RALGPS2: variants seen among roughly 807,000 people sequenced by gnomAD.
RALGPS2 encodes ras-specific guanine nucleotide-releasing factor RalGPS2.
A neutral mutation model predicts 86.8 loss-of-function variants in RALGPS2; 43 were observed. The observed-to-expected ratio is 0.50, with a 90% CI of 0.39 to 0.64. The LOEUF (loss-of-function observed/expected upper bound fraction) is 0.64, where lower values mean the gene tolerates loss of function less well. Among genes scored for constraint, RALGPS2 ranks in the 30% least tolerant of loss-of-function variants. The pLI is 0.00. For missense variants in RALGPS2, 536 were observed against 694.6 expected (o/e 0.77, Z 2.57); for synonymous variants, 243 against 231.3 (o/e 1.05, Z -0.46).
At chr1:178,729,909 T>C (rs972745309) in intron 1 of RALGPS2, among the ~76,000 whole-genome samples, 2 of 152,214 alleles carry the variant, frequency 1.3e-5, no homozygotes, top group Non-Finnish European at 2.9e-5. Flanking sequence ...TTAAAAATTA[T>C]ATACTTTTAC....
intron 13 of RALGPS2, among the ~76,000 whole-genome samples, chr1:178,886,439 A>G (rs1659487774): frequency 6.6e-6 from 1 of 152,184 alleles, no homozygotes; most frequent in African/African-American, 2.4e-5. Flanking sequence ...TGGGTTAAAC[A>G]AGTATAATAG....
chr1:178,864,731 T>G (rs181709716), intron 8 of RALGPS2, among the ~76,000 whole-genome samples: 15 of 152,214 alleles, frequency 9.9e-5, no homozygotes, highest in Admixed American at 2.6e-4. Flanking sequence ...GAAGACTGGT[T>G]TTTTTCACAG....
At chr1:178,871,203 G>A in intron 8 of RALGPS2, among the ~76,000 whole-genome samples, 1 of 152,032 alleles carries the variant, frequency 6.6e-6, no homozygotes. Context: ...GCCTTAAATA[G>A]GGGGGTGGGA....
At chr1:178,852,566 C>T in intron 8 of RALGPS2, 2 of 1,087,178 alleles carry the variant, frequency 1.8e-6, no homozygotes, top group Non-Finnish European at 2.6e-6. Context: ...GTATTTCCTG[C>T]CACAGTGACC....
At chr1:178,779,073 A>G (rs936737751) in intron 2 of RALGPS2, among the ~76,000 whole-genome samples, 23 of 152,204 alleles carry the variant, frequency 1.5e-4, no homozygotes, top group Non-Finnish European at 2.2e-4. Flanking sequence ...AGATTCTTTT[A>G]CTTGGAATCA....
At chr1:178,861,084 C>G (rs1413940) in intron 8 of RALGPS2, among the ~76,000 whole-genome samples, 2 of 152,112 alleles carry the variant, frequency 1.3e-5, no homozygotes, top group South Asian at 4.2e-4. Context: ...TGAGAAAACA[C>G]AAACTGGCAG....
chr1:178,901,198 T>C (rs534367240), intron 17 of RALGPS2, among the ~76,000 whole-genome samples: 1 of 152,026 alleles, frequency 6.6e-6, no homozygotes. Context: ...TTTTAAAGCA[T>C]AATAAATAAA....
intron 1 of RALGPS2, among the ~76,000 whole-genome samples, chr1:178,729,196 G>C (rs1239360484): frequency 6.6e-6 from 1 of 151,720 alleles, no homozygotes; most frequent in Non-Finnish European, 1.5e-5. Flanking sequence ...TCCTTTTGTT[G>C]TTCTTGCAGA....
chr1:178,789,020 C>T (rs537343434), intron 4 of RALGPS2, among the ~76,000 whole-genome samples: 4 of 152,058 alleles, frequency 2.6e-5, no homozygotes, highest in African/African-American at 9.6e-5. Context: ...GATTATCCTA[C>T]CTCAGCCTCC....
intron 17 of RALGPS2, among the ~76,000 whole-genome samples, chr1:178,900,883 GTTTATGTTGC>G (rs1236124806): frequency 6.6e-6 from 1 of 152,036 alleles, no homozygotes; most frequent in African/African-American, 2.4e-5. Context: ...TTCTGAAGCA[GTTTATGTTGC>G]TTGAGTTACT....
intron 7 of RALGPS2, among the ~76,000 whole-genome samples, chr1:178,822,731 T>A (rs1436231937): frequency 1.3e-5 from 2 of 152,170 alleles, no homozygotes; most frequent in Non-Finnish European, 2.9e-5. Flanking sequence ...GGCCTTATTG[T>A]CTTTTCTTAA....
intron 8 of RALGPS2, among the ~76,000 whole-genome samples, chr1:178,875,899 A>G (rs1207133315): frequency 1.3e-5 from 2 of 152,200 alleles, no homozygotes; most frequent in Non-Finnish European, 2.9e-5. Flanking sequence ...GAAGAGAGAG[A>G]TGATTCTTCC....
intron 8 of RALGPS2, chr1:178,865,233 A>C: frequency 6.2e-7 from 1 of 1,614,152 alleles, no homozygotes; most frequent in Non-Finnish European, 8.5e-7. Context: ...AGATCAGTCA[A>C]GGAAGCGTAT....
intron 14 of RALGPS2, among the ~76,000 whole-genome samples, chr1:178,892,023 T>C (rs1242477854): frequency 6.6e-6 from 1 of 152,044 alleles, no homozygotes; most frequent in African/African-American, 2.4e-5. Flanking sequence ...CCTCTAAGTA[T>C]TTCTAGAGTC....
intron 11 of RALGPS2, among the ~76,000 whole-genome samples, chr1:178,884,439 T>C (rs1196441797): frequency 6.8e-6 from 1 of 147,428 alleles, no homozygotes; most frequent in Non-Finnish European, 1.5e-5. Flanking sequence ...TTCATGTATA[T>C]TCTAAAAATA....
At chr1:178,844,943 G>A (rs1439829480) in intron 8 of RALGPS2, among the ~76,000 whole-genome samples, 1 of 152,048 alleles carries the variant, frequency 6.6e-6, no homozygotes, top group African/African-American at 2.4e-5. Flanking sequence ...ACTTTGGGAG[G>A]CTGAGGCAGG....
intron 7 of RALGPS2, among the ~76,000 whole-genome samples, chr1:178,822,497 A>G (rs1655552766): frequency 6.8e-6 from 1 of 147,632 alleles, no homozygotes; most frequent in African/African-American, 2.7e-5. Flanking sequence ...CTGACTTTTT[A>G]AAACTTTATT....
intron 8 of RALGPS2, among the ~76,000 whole-genome samples, chr1:178,869,651 G>A (rs964960447): frequency 6.6e-6 from 1 of 152,032 alleles, no homozygotes; most frequent in Non-Finnish European, 1.5e-5. Flanking sequence ...AATCCTGCCA[G>A]CATTTACAGT....
intron 18 of RALGPS2, among the ~76,000 whole-genome samples, chr1:178,903,790 T>C (rs1041432867): frequency 6.6e-6 from 1 of 152,190 alleles, no homozygotes; most frequent in African/African-American, 2.4e-5. Flanking sequence ...TTTGCAATTG[T>C]GAATTGTGCT....
Sources: gnomAD v4.1 joint callset for allele counts (sites outside exome capture counted in the v4.1 genomes callset) on GRCh38, gnomAD v4.1.1 for gene constraint, MANE v1.5 for transcripts, NCBI Gene and HGNC (gene_info 2026-07-23, HGNC 2026-07-21) for gene names.